Variants in ARHGAP21 observed in about 807,000 individuals in gnomAD.
The protein encoded by ARHGAP21 is rho GTPase-activating protein 21.
Under a neutral mutation model 164.6 loss-of-function variants are expected in ARHGAP21, and 38 were observed. That is an observed-to-expected ratio of 0.23 (90% confidence interval 0.18 to 0.30). The LOEUF is 0.30. Among genes scored for constraint, ARHGAP21 ranks in the 10% least tolerant of loss-of-function variants. The pLI is 1.00. For synonymous variants in ARHGAP21, 766 were observed against 857.9 expected (o/e 0.89, Z 1.87); for missense variants, 1,822 against 2,370.7 (o/e 0.77, Z 4.81).
At chr10:24,661,860 C>T (rs1839721093) in intron 4 of ARHGAP21, among the ~76,000 whole-genome samples, 2 of 152,156 alleles carry the variant, frequency 1.3e-5, no homozygotes, top group African/African-American at 4.8e-5. Flanking sequence ...ATTTTTTTCA[C>T]ATACAATATG....
intron 2 of ARHGAP21, among the ~76,000 whole-genome samples, chr10:24,702,123 G>A (rs545831099): frequency 1.5e-3 from 189 of 122,510 alleles, no homozygotes; most frequent in Admixed American, 3.0e-3. Context: ...AAATACTTCC[G>A]GTTCTTTTTT....
chr10:24,636,359 A>G (rs1250413700), intron 4 of ARHGAP21, among the ~76,000 whole-genome samples: 3 of 152,184 alleles, frequency 2.0e-5, no homozygotes, highest in African/African-American at 7.2e-5. Flanking sequence ...TTAGGAATGC[A>G]AATTTGTGGA....
intron 9 of ARHGAP21, among the ~76,000 whole-genome samples, chr10:24,608,227 T>TAACA (rs1397244301): frequency 2.0e-5 from 3 of 152,190 alleles, no homozygotes; most frequent in Non-Finnish European, 2.9e-5. Flanking sequence ...AATAATCATG[T>TAACA]AACACCCTGA....
At position 24,622,730 on chromosome 10, in the gene ARHGAP21, T is replaced by C; in HGVS notation, c.525+3A>G. Reference sequence around the variant, plus strand: ...AAGGAAATGGCTACTGTGCATTTCTTACCAGTGCTGTGACATCCTTTGTAA... The same window carrying C: ...AAGGAAATGGCTACTGTGCATTTCTCACCAGTGCTGTGACATCCTTTGTAA... On this transcript the variant is annotated splice_donor_region_variant and intron_variant, in intron 8 of 25. Coordinates refer to ENST00000396432, the MANE Select transcript of ARHGAP21 (RefSeq NM_020824.4). 1 of 1,610,974 alleles carries C rather than the reference T, an allele frequency of 6.2e-7. No homozygotes were observed.
intron 2 of ARHGAP21, among the ~76,000 whole-genome samples, chr10:24,678,646 TG>T (rs1434482118): frequency 6.6e-6 from 1 of 152,094 alleles, no homozygotes; most frequent in Non-Finnish European, 1.5e-5. Context: ...TCTACAGGCA[TG>T]CACCGCCATC....
intron 2 of ARHGAP21, among the ~76,000 whole-genome samples, chr10:24,699,432 C>T (rs1241109115): frequency 6.6e-6 from 1 of 152,002 alleles, no homozygotes; most frequent in Non-Finnish European, 1.5e-5. Flanking sequence ...TCAAGCGATT[C>T]TCCTGCCTCA....
At chr10:24,590,674 A>G in intron 24 of ARHGAP21, 1 of 1,333,276 alleles carries the variant, frequency 7.5e-7, no homozygotes, top group Non-Finnish European at 9.6e-7. Flanking sequence ...TAGGGTGGCA[A>G]CAGGAAACAG....
intron 25 of ARHGAP21, among the ~76,000 whole-genome samples, chr10:24,587,386 A>G (rs1327851507): frequency 6.6e-6 from 1 of 152,136 alleles, no homozygotes; most frequent in East Asian, 1.9e-4. Flanking sequence ...ATGCTGAGTA[A>G]TAGAAACAGA....
intron 4 of ARHGAP21, among the ~76,000 whole-genome samples, chr10:24,635,505 A>G (rs1170787027): frequency 1.3e-5 from 2 of 152,160 alleles, no homozygotes; most frequent in Non-Finnish European, 2.9e-5. Context: ...ATGATTACAC[A>G]GGCGGTACTC....
chr10:24,601,931 C>T (rs1441812435), intron 13 of ARHGAP21, 47 bp downstream of exon 13: 3 of 1,452,314 alleles, frequency 2.1e-6, no homozygotes, highest in Non-Finnish European at 2.7e-6. Context: ...GTTTATTTGT[C>T]AGGGTCTGCA....
chr10:24,597,670 A>G lies in ARHGAP21; in HGVS notation c.3198-87T>C, dbSNP rs2076643420. ...TTACCCGTGGTGAGCCATGGTCTGA[A>G]AATATTAACTGGAAAATTCTTGGAA... is the stretch of plus-strand genomic sequence containing the variant. On this transcript the variant is annotated intron_variant, in intron 15 of 25. Transcript: ENST00000396432. 3 of 1,533,270 alleles carry G rather than the reference A, an allele frequency of 2.0e-6. No individual in the cohort carries two copies. The South Asian group carries it at 3.8e-5, about 19-fold the overall frequency. The allele number at this position is 1,533,270 out of a possible 1,614,324, so 95.0% of individuals were successfully genotyped here. A position where few individuals can be genotyped will look rare whatever the true frequency, so the allele number is the denominator to read the frequency against.
intron 14 of ARHGAP21, among the ~76,000 whole-genome samples, chr10:24,599,063 T>C (rs1452253808): frequency 6.6e-6 from 1 of 152,228 alleles, no homozygotes; most frequent in African/African-American, 2.4e-5. Context: ...CTGGGGAAAA[T>C]ACTTGTGTAC....
intron 2 of ARHGAP21, among the ~76,000 whole-genome samples, chr10:24,718,822 T>C (rs73606551): frequency 0.013 from 2,015 of 152,112 alleles, 36 homozygotes; most frequent in African/African-American, 0.046. Context: ...AAAAGTTTAA[T>C]AATAAAGTGA....
At chr10:24,603,217 T>C (rs970817315) in intron 12 of ARHGAP21, among the ~76,000 whole-genome samples, 2 of 152,036 alleles carry the variant, frequency 1.3e-5, no homozygotes, top group Admixed American at 1.3e-4. Context: ...GCAGAGGGGA[T>C]GGAGAAGTAG....
chr10:24,584,729 C>A lies in ARHGAP21; in HGVS notation c.5560G>T (p.Ala1854Ser). Residue 1854 changes from alanine to serine, a missense_variant, in exon 26 of 26, where the codon GCC becomes TCC. Physicochemically the swap from Ala to Ser is moderately conservative, Grantham distance 99. Coordinates refer to ENST00000396432, the MANE Select transcript of ARHGAP21 (RefSeq NM_020824.4). ...GTACTGGTGCGTAGGCGTTCCCTGGCCAGCCAGTCTGAGATGGAAAGGTCC... is the reference window on the plus strand; with the variant it reads ...GTACTGGTGCGTAGGCGTTCCCTGGACAGCCAGTCTGAGATGGAAAGGTCC... ...AQDLSISDWL[A>S]RERLRTSTSD... The A allele has an allele frequency of 1.2e-6, 2 of 1,613,964 alleles. No individual in the cohort carries two copies. Among genetic ancestry groups the A allele is most frequent in the Non-Finnish European group, 1.7e-6 (2 of 1,179,868 alleles).
intron 7 of ARHGAP21, among the ~76,000 whole-genome samples, chr10:24,624,960 C>A (rs1358785623): frequency 7.1e-6 from 1 of 141,290 alleles, no homozygotes; most frequent in African/African-American, 2.6e-5. Context: ...AAGTATTACA[C>A]CTTTTGGAGT....
intron 13 of ARHGAP21, 151 bp from the exon 14 acceptor site, chr10:24,601,081 G>A (rs546520122): frequency 2.2e-6 from 2 of 917,458 alleles, no homozygotes; most frequent in Non-Finnish European, 3.2e-6. Context: ...TGTGAGGAGA[G>A]GAAGGATAAA....
intron 4 of ARHGAP21, among the ~76,000 whole-genome samples, chr10:24,647,962 C>T (rs1837741440): frequency 6.6e-6 from 1 of 152,118 alleles, no homozygotes; most frequent in African/African-American, 2.4e-5. Context: ...CTCAGCCTCC[C>T]AAGTAGATGG....
chr10:24,590,718 C>G (rs1268848886), intron 24 of ARHGAP21: 9 of 985,192 alleles, frequency 9.1e-6, no homozygotes, highest in Non-Finnish European at 8.4e-6. Flanking sequence ...TGGCTTTTTA[C>G]TGTGACAAAT....
Sources: allele counts gnomAD v4.1 joint callset (sites outside exome capture counted in the v4.1 genomes callset), GRCh38; gene constraint gnomAD v4.1.1; transcripts MANE v1.5; gene names NCBI Gene and HGNC (gene_info 2026-07-23, HGNC 2026-07-21).